The following SLC35A1 variants were observed in gnomAD, a reference collection of about 807,000 sequenced individuals.
SLC35A1 encodes solute carrier family 35 member A1, also known as CMP-sialic acid transporter.
In SLC35A1, 21 loss-of-function variants were observed where a neutral mutation model predicts 40.3. That is an observed-to-expected ratio of 0.52 (90% CI 0.37 to 0.75). The LOEUF is 0.75. Ranked by LOEUF, SLC35A1 falls within the 30% of genes least tolerant of loss-of-function variation. The probability of loss-of-function intolerance (pLI) is 0.00; values close to 1 mark genes in which losing one functional copy is unlikely to be tolerated. For synonymous variants in SLC35A1, 146 were observed against 147.3 expected, an observed-to-expected ratio of 0.99 and a Z score of 0.06; for missense variants, 297 against 382.1, an observed-to-expected ratio of 0.78 and a Z score of 1.86.
chr6:87,491,247 G>A (rs1156558708), intron 2 of SLC35A1, among the ~76,000 whole-genome samples: 1 of 152,194 alleles, frequency 6.6e-6, no homozygotes, highest in Non-Finnish European at 1.5e-5. Flanking sequence ...TCCTTTGAAT[G>A]TCATGTTGGC....
At chr6:87,481,385 C>G (rs1769238369) in intron 2 of SLC35A1, among the ~76,000 whole-genome samples, 2 of 150,190 alleles carry the variant, frequency 1.3e-5, no homozygotes, top group African/African-American at 4.9e-5. Context: ...CCATTGCACT[C>G]TAGCCTGGGC....
intron 7 of SLC35A1, 78 bp from the exon 8 acceptor site, chr6:87,511,320 GT>G: frequency 6.7e-7 from 1 of 1,496,964 alleles, no homozygotes. Flanking sequence ...ACAATTAAGA[GT>G]TTTCAAAATT....
chr6:87,500,480 C>G, intron 2 of SLC35A1, 28 bp from the exon 3 acceptor site: 3 of 1,612,020 alleles, frequency 1.9e-6, no homozygotes, highest in Non-Finnish European at 2.5e-6. Flanking sequence ...CCTTACCACC[C>G]TCTCATCTCC....
chr6:87,507,123 T>C (rs946919392), intron 5 of SLC35A1: 1 of 152,384 alleles, frequency 6.6e-6, no homozygotes, highest in African/African-American at 2.4e-5. Context: ...AGATTTAGTT[T>C]TTAATATATT....
chr6:87,484,452 A>G (rs1189408027), intron 2 of SLC35A1, among the ~76,000 whole-genome samples: 1 of 152,208 alleles, frequency 6.6e-6, no homozygotes, highest in Non-Finnish European at 1.5e-5. Context: ...CACTTGGACA[A>G]GGGAGGAAAA....
intron 4 of SLC35A1, among the ~76,000 whole-genome samples, 175 bp downstream of exon 4, chr6:87,501,485 T>C (rs934740169): frequency 6.6e-6 from 1 of 152,224 alleles, no homozygotes; most frequent in South Asian, 2.1e-4. Context: ...ATAATACTTA[T>C]TGGTTGTTTC....
intron 2 of SLC35A1, among the ~76,000 whole-genome samples, chr6:87,483,201 CTCTT>C (rs1454861220): frequency 6.6e-6 from 1 of 152,030 alleles, no homozygotes; most frequent in African/African-American, 2.4e-5. Flanking sequence ...GACTCTCTGT[CTCTT>C]TCTCTTTCTC....
intron 1 of SLC35A1, among the ~76,000 whole-genome samples, chr6:87,476,959 C>T (rs1009887573): frequency 5.9e-5 from 9 of 152,080 alleles, no homozygotes; most frequent in African/African-American, 1.9e-4. Flanking sequence ...GTGGAGGTTG[C>T]AGTGAGCTGA....
At position 87,501,147 on chromosome 6, in the gene SLC35A1, CT is replaced by C. The variant is rs756360320; in HGVS notation, c.355-3del. The C allele has an allele frequency of 3.4e-5, 55 of 1,599,608 alleles. No homozygotes were observed. The highest frequency in any genetic ancestry group is 5.4e-5 in the African/African-American group (4 of 74,520). On this transcript the variant is annotated splice_polypyrimidine_tract_variant and intron_variant, in intron 3 of 7. Coordinates refer to ENST00000369552, the MANE Select transcript of SLC35A1 (RefSeq NM_006416.5). ...TTAACTGAATTTATTAATTCATTCTCTTTTTTTTAGGTGACCTACCAGTTGA... is the reference window on the plus strand; with the variant it reads ...TTAACTGAATTTATTAATTCATTCTCTTTTTTTAGGTGACCTACCAGTTGA...
chr6:87,473,026 A>G lies in SLC35A1; in HGVS notation c.16+7A>G. 2 of 643,576 alleles carry G rather than the reference A, an allele frequency of 3.1e-6. No homozygotes were observed. The highest frequency in any genetic ancestry group is 4.2e-5 in the Admixed American group (1 of 23,958). The allele number at this position is 643,576 out of a possible 1,614,324, so 39.9% of individuals were successfully genotyped here. A position where few individuals can be genotyped will look rare whatever the true frequency, so the allele number is the denominator to read the frequency against. ...ACCATGGCTGCCCCGAGAGGTGAGA[A>G]CTGGGTCTGCTGGGAGTGGGGAGTC... On this transcript the variant is annotated splice_region_variant and intron_variant, in intron 1 of 7. Transcript: ENST00000369552.
chr6:87,507,212 A>G (rs1770112891), intron 5 of SLC35A1, among the ~76,000 whole-genome samples: 1 of 152,196 alleles, frequency 6.6e-6, no homozygotes, highest in East Asian at 1.9e-4. Context: ...TCAAGTCAGG[A>G]CTATTTTTGA....
At chr6:87,509,945 A>G (rs114567952) in intron 7 of SLC35A1, among the ~76,000 whole-genome samples, 2,382 of 152,322 alleles carry the variant, frequency 0.016, 56 homozygotes, top group African/African-American at 0.053. Context: ...TATTAAGTAA[A>G]AGAGACCTGG....
At chr6:87,494,174 T>C (rs1160881873) in intron 2 of SLC35A1, among the ~76,000 whole-genome samples, 1 of 152,114 alleles carries the variant, frequency 6.6e-6, no homozygotes, top group Non-Finnish European at 1.5e-5. Flanking sequence ...GGTATTCCAT[T>C]ATGTATAGAT....
intron 2 of SLC35A1, among the ~76,000 whole-genome samples, chr6:87,478,253 T>C (rs1318227132): frequency 6.6e-6 from 1 of 152,248 alleles, no homozygotes; most frequent in Admixed American, 6.5e-5. Context: ...TTGGAGGAGA[T>C]AGACCTAATT....
intron 2 of SLC35A1, 117 bp downstream of exon 2, chr6:87,477,656 T>G (rs1769114865): frequency 1.1e-6 from 1 of 894,840 alleles, no homozygotes; most frequent in South Asian, 1.4e-5. Flanking sequence ...GTTTCTCAAC[T>G]AGGGGTGATT....
At chr6:87,496,485 A>G (rs1769728571) in intron 2 of SLC35A1, among the ~76,000 whole-genome samples, 2 of 152,122 alleles carry the variant, frequency 1.3e-5, no homozygotes, top group African/African-American at 4.8e-5. Flanking sequence ...GATTTCTAAG[A>G]AAGTAAGTTG....
intron 2 of SLC35A1, among the ~76,000 whole-genome samples, chr6:87,498,778 C>T (rs1228668387): frequency 6.6e-6 from 1 of 151,618 alleles, no homozygotes; most frequent in African/African-American, 2.4e-5. Context: ...TCAAAAAAAA[C>T]AAAACAAAAC....
chr6:87,484,748 A>G (rs1355454692), intron 2 of SLC35A1, among the ~76,000 whole-genome samples: 2 of 152,176 alleles, frequency 1.3e-5, no homozygotes, highest in Non-Finnish European at 2.9e-5. Context: ...AGAATGAGTC[A>G]GAGTGGAGAG....
At chr6:87,475,840 A>G (rs1380515692) in intron 1 of SLC35A1, among the ~76,000 whole-genome samples, 1 of 152,218 alleles carries the variant, frequency 6.6e-6, no homozygotes, top group Non-Finnish European at 1.5e-5. Context: ...CTGGTTCTTA[A>G]CCTGGAGTTG....
Sources: gnomAD v4.1 joint callset for allele counts (sites outside exome capture counted in the v4.1 genomes callset) on GRCh38, gnomAD v4.1.1 for gene constraint, MANE v1.5 for transcripts, NCBI Gene and HGNC (gene_info 2026-07-23, HGNC 2026-07-21) for gene names.